Variants in BIRC6 observed in about 807,000 individuals in gnomAD.
The protein encoded by BIRC6 is baculoviral IAP repeat containing 6, also known as dual E2 ubiquitin-conjugating enzyme/E3 ubiquitin-protein ligase BIRC6.
Under a neutral mutation model 503.3 loss-of-function variants are expected in BIRC6, and 98 were observed. That is an observed-to-expected ratio of 0.19 (90% CI 0.17 to 0.23). BIRC6 has a LOEUF of 0.23. Among genes scored for constraint, BIRC6 ranks in the 10% least tolerant of loss-of-function variants. The pLI, the probability that BIRC6 is intolerant of heterozygous loss-of-function variation, is 1.00. For synonymous variants in BIRC6, 2,240 were observed against 2,078.7 expected (o/e 1.08, Z -2.11); for missense variants, 5,360 against 5,806.0 (o/e 0.92, Z 2.50).
At chr2:32,412,804 A>G (rs2042029263) in intron 9 of BIRC6, among the ~76,000 whole-genome samples, 1 of 152,166 alleles carries the variant, frequency 6.6e-6, no homozygotes, top group Non-Finnish European at 1.5e-5. Context: ...ATCTTTTTTA[A>G]TGGATATTTT....
rs1158490718 is a variant in BIRC6, at chr2:32,470,171, C to A, written c.6351C>A (p.Val2117=). The change falls in exon 31 of 74, where the codon GTC becomes GTA. Residue 2117 remains valine, a synonymous_variant. Coordinates refer to ENST00000421745, the MANE Select transcript of BIRC6 (RefSeq NM_016252.4). ...EQLLIFPQDR[V]FMLLSCIGQR... is the part of the protein sequence containing the mutation. ...TTTTTGTTTGTTTTGTTTTTAGGGT[C>A]TTCATGTTACTTTCCTGCATTGGTC... The A allele has an allele frequency of 1.3e-6, 2 of 1,530,776 alleles. No individual in the cohort carries two copies. Among genetic ancestry groups the A allele is most frequent in the South Asian group, 1.3e-5 (1 of 78,510 alleles). 94.8% of individuals were successfully genotyped at this position (1,530,776 alleles called of 1,614,324 possible).
intron 66 of BIRC6, among the ~76,000 whole-genome samples, chr2:32,578,252 T>C (rs1049290077): frequency 8.5e-5 from 13 of 152,172 alleles, no homozygotes; most frequent in African/African-American, 2.7e-4. Context: ...TATTTTTTTT[T>C]CTAACAGAGT....
chr2:32,388,941 C>A lies in BIRC6; in HGVS notation c.837C>A (p.Asp279Glu). 1 of 1,475,938 alleles carries A rather than the reference C, an allele frequency of 6.8e-7. No homozygotes were observed. Among genetic ancestry groups the A allele is most frequent in the Non-Finnish European group, 9.0e-7 (1 of 1,106,242 alleles). The allele number at this position is 1,475,938 out of a possible 1,614,324, so 91.4% of individuals were successfully genotyped here. A position where few individuals can be genotyped will look rare whatever the true frequency, so the allele number is the denominator to read the frequency against. The change falls in exon 4 of 74, where the codon GAC becomes GAA. Residue 279 changes from aspartate to glutamate, a missense_variant and splice_region_variant. Physicochemically the swap from Asp to Glu is conservative, Grantham distance 45. This residue lies in a region of BIRC6 where 92 missense variants were observed against 176.7 expected (regional missense o/e 0.52). Coordinates refer to ENST00000421745, the MANE Select transcript of BIRC6 (RefSeq NM_016252.4). ...ELGVGPGRSV[D>E]RSLMYSEANR... is the part of the protein sequence containing the mutation. ...GAGTGGGGCCAGGCCGTTCTGTAGACAGGTATGAACCTTGCTAACAAAGGT... is the reference window on the plus strand; with the variant it reads ...GAGTGGGGCCAGGCCGTTCTGTAGAAAGGTATGAACCTTGCTAACAAAGGT...
Position 32,357,520 on chromosome 2 carries a change from C to T in BIRC6, c.325+34C>T. The T allele has an allele frequency of 1.3e-6, 2 of 1,534,446 alleles. No homozygotes were observed. Among genetic ancestry groups the T allele is most frequent in the Non-Finnish European group, 1.8e-6 (2 of 1,141,264 alleles). On this transcript the variant is annotated intron_variant, in intron 1 of 73. Transcript: ENST00000421745. This position sits in a 1 kb window ranked among gnomAD's most constrained non-coding sequence, Gnocchi z 4.9. ...TCCGCACGCCGGGCGGGCGCGAAGC[C>T]GGGGAAAGAAGCCGTCCAGCCCCGG...
intron 10 of BIRC6, among the ~76,000 whole-genome samples, chr2:32,424,250 A>AAT (rs201393862): frequency 0.014 from 2,107 of 151,556 alleles, 33 homozygotes; most frequent in Non-Finnish European, 0.02. Flanking sequence ...TATATATATG[A>AAT]ATATATATAT....
chr2:32,572,618 T>C (rs2059992140), intron 65 of BIRC6, among the ~76,000 whole-genome samples: 1 of 152,348 alleles, frequency 6.6e-6, no homozygotes, highest in African/African-American at 2.4e-5. Context: ...CTTTTGGATA[T>C]AATTTTGATT....
intron 45 of BIRC6, among the ~76,000 whole-genome samples, chr2:32,499,145 A>C (rs1395066049): frequency 1.3e-5 from 2 of 152,226 alleles, no homozygotes; most frequent in African/African-American, 4.8e-5. Context: ...TTGAATCTTA[A>C]TTTTTATGTA....
intron 33 of BIRC6, among the ~76,000 whole-genome samples, chr2:32,474,973 G>A (rs1373863910): frequency 6.6e-6 from 1 of 151,720 alleles, no homozygotes; most frequent in African/African-American, 2.4e-5. Context: ...ACTTTGGGAG[G>A]TTGAGGCGGG....
chr2:32,386,018 C>T (rs2038403901), intron 3 of BIRC6, among the ~76,000 whole-genome samples: 1 of 152,148 alleles, frequency 6.6e-6, no homozygotes, highest in Non-Finnish European at 1.5e-5. Flanking sequence ...TTGCACCTTA[C>T]TCAGGCATTT....
intron 66 of BIRC6, among the ~76,000 whole-genome samples, chr2:32,575,837 CCA>C (rs2060233048): frequency 6.6e-6 from 1 of 152,040 alleles, no homozygotes; most frequent in Non-Finnish European, 1.5e-5. Context: ...GAAAAAGTAT[CCA>C]CCCAAATTAT....
At chr2:32,490,863 A>G (rs989640567) in intron 43 of BIRC6, among the ~76,000 whole-genome samples, 5 of 152,174 alleles carry the variant, frequency 3.3e-5, no homozygotes, top group Admixed American at 2.6e-4. Flanking sequence ...TAGCTTTAAA[A>G]TGCTATTATC....
chr2:32,398,924 A>G (rs556778306), intron 6 of BIRC6, among the ~76,000 whole-genome samples: 11 of 152,260 alleles, frequency 7.2e-5, no homozygotes, highest in African/African-American at 2.4e-4. Context: ...TTATAGATGG[A>G]TTTATATATG....
chr2:32,583,409 G>A (rs1573185893), intron 66 of BIRC6, among the ~76,000 whole-genome samples: 1 of 152,276 alleles, frequency 6.6e-6, no homozygotes, highest in Non-Finnish European at 1.5e-5. Flanking sequence ...GGTGTTAAGT[G>A]TAAAAGTTAA....
chr2:32,569,836 G>A (rs930030509), intron 65 of BIRC6, among the ~76,000 whole-genome samples: 59 of 152,034 alleles, frequency 3.9e-4, no homozygotes, highest in Non-Finnish European at 5.4e-4. Flanking sequence ...TTCTCATGGA[G>A]TCTTTAGGGT....
chr2:32,525,174 T>C (rs72855982), intron 58 of BIRC6, among the ~76,000 whole-genome samples, 155 bp downstream of exon 58: 1,779 of 152,128 alleles, frequency 0.012, 17 homozygotes, highest in African/African-American at 0.02. Flanking sequence ...TTTATTTTTA[T>C]TTTTTTTCAC....
At position 32,509,972 on chromosome 2, in the gene BIRC6, A is replaced by G. The variant is rs2054227596; in HGVS notation, c.10215A>G (p.Ala3405=). The change falls in exon 52 of 74, where the codon GCA becomes GCG. Residue 3405 remains alanine, a synonymous_variant. Transcript: ENST00000421745. ...KLIDILLRNC[A]ASGSDPTDLN... Reference sequence around the variant, plus strand: ...TAGACATTCTCCTGAGAAATTGTGCAGCATCAGGCAGTGATCCTACAGGTG... The same window carrying G: ...TAGACATTCTCCTGAGAAATTGTGCGGCATCAGGCAGTGATCCTACAGGTG... The G allele has an allele frequency of 6.2e-7, 1 of 1,613,958 alleles. No individual in the cohort carries two copies. The highest frequency in any genetic ancestry group is 8.5e-7 in the Non-Finnish European group (1 of 1,179,854).
Position 32,404,357 on chromosome 2 carries a change from G to A in BIRC6, c.1419-2142G>A, listed in dbSNP as rs555550014. ...TTTTTTGAGAGAGTCTTGCTCTGTC[G>A]CCCATGCTGGAGTGCAGTGGTGCGA... On this transcript the variant is annotated intron_variant, in intron 8 of 73. Coordinates refer to ENST00000421745, the MANE Select transcript of BIRC6 (RefSeq NM_016252.4). 2.3e-4 allele frequency among the ~76,000 whole-genome samples: 34 copies of A among 150,902 alleles called. No homozygotes were observed. In the South Asian group the frequency reaches 5.2e-3, roughly 23 times the overall value.
chr2:32,361,410 A>T (rs186072631), intron 1 of BIRC6, among the ~76,000 whole-genome samples: 5 of 152,256 alleles, frequency 3.3e-5, no homozygotes, highest in Non-Finnish European at 5.9e-5. Context: ...ATTGAGCAGA[A>T]AGTACAGACA....
chr2:32,535,586 GAGAAAGATGGTTTCC>G (rs1296651866), intron 61 of BIRC6, among the ~76,000 whole-genome samples: 5 of 152,166 alleles, frequency 3.3e-5, no homozygotes, highest in Non-Finnish European at 2.9e-5. Context: ...ATAGTTTGCT[GAGAAAGATGGTTTCC>G]AGCTTCATCC....
Sources: gnomAD v4.1 joint callset for allele counts (sites outside exome capture counted in the v4.1 genomes callset) on GRCh38, gnomAD v4.1.1 for gene constraint, gnomAD v4.1.1 regional missense constraint, Gnocchi (gnomAD v3.1) non-coding constraint, MANE v1.5 for transcripts, NCBI Gene and HGNC (gene_info 2026-07-23, HGNC 2026-07-21) for gene names.